Variants in ADCY9 observed in about 807,000 individuals in gnomAD.
ADCY9 encodes the protein adenylate cyclase 9, also known as adenylate cyclase type 9.
Under a neutral mutation model 101.5 loss-of-function variants are expected in ADCY9, and 50 were observed. The ratio of observed to expected loss-of-function variants is 0.49; its 90% CI spans 0.39 to 0.62. ADCY9 has a LOEUF of 0.62. Ranked by LOEUF, ADCY9 falls within the 20% of genes least tolerant of loss-of-function variation. ADCY9 has a pLI of 0.00. For synonymous variants in ADCY9, 905 were observed against 769.3 expected (o/e 1.18, Z -2.92); for missense variants, 1,662 against 1,800.4 (o/e 0.92, Z 1.39).
At chr16:3,971,593 T>C (rs1326926828) in intron 10 of ADCY9, among the ~76,000 whole-genome samples, 1 of 152,178 alleles carries the variant, frequency 6.6e-6, no homozygotes, top group Non-Finnish European at 1.5e-5. Context: ...GACTCAAACA[T>C]ATTTCTGTCC....
At chr16:4,014,073 C>T (rs1053728426) in intron 2 of ADCY9, among the ~76,000 whole-genome samples, 5 of 152,154 alleles carry the variant, frequency 3.3e-5, no homozygotes, top group Non-Finnish European at 7.3e-5. Flanking sequence ...AATCCCAGCA[C>T]TTAGGGAGGC....
At chr16:4,097,485 T>TATATATATAC (rs2057012098) in intron 2 of ADCY9, among the ~76,000 whole-genome samples, 1 of 73,020 alleles carries the variant, frequency 1.4e-5, no homozygotes, top group Non-Finnish European at 2.8e-5. Context: ...TATATATATA[T>TATATATATAC]ATACACACAC....
At position 3,993,217 on chromosome 16, in the gene ADCY9, T is replaced by C. The variant is rs73490506; in HGVS notation, c.1989+189A>G. The C allele has an allele frequency of 4.9e-3, 4,829 of 980,554 alleles. 157 individuals are homozygous for C. In the African/African-American group the frequency reaches 0.071, roughly 14 times the overall value. 60.7% of individuals were successfully genotyped at this position (980,554 alleles called of 1,614,324 possible). On this transcript the variant is annotated intron_variant, in intron 4 of 10. Coordinates refer to ENST00000294016, the MANE Select transcript of ADCY9 (RefSeq NM_001116.4). ...CAGCCCCTGAGCGCTGGTTTCCACG[T>C]GGGTTGCTGCTGACCCTCCCTCGAG...
At chr16:4,092,446 A>T (rs959694549) in intron 2 of ADCY9, among the ~76,000 whole-genome samples, 3 of 152,154 alleles carry the variant, frequency 2.0e-5, no homozygotes, top group Admixed American at 6.5e-5. Context: ...ATACTTCCCT[A>T]ATTTAACATT....
chr16:4,059,769 A>G (rs2056763252), intron 2 of ADCY9, among the ~76,000 whole-genome samples: 1 of 152,086 alleles, frequency 6.6e-6, no homozygotes, highest in Non-Finnish European at 1.5e-5. Flanking sequence ...GTGGTGATGC[A>G]CACCTGTAGT....
chr16:4,020,825 C>A (rs993449125), intron 2 of ADCY9, among the ~76,000 whole-genome samples: 577 of 138,310 alleles, frequency 4.2e-3, no homozygotes, highest in Non-Finnish European at 4.8e-3. Flanking sequence ...GACTCCGTCT[C>A]AAAAAAAAAA....
chr16:3,988,370 C>T (rs2056212604), intron 6 of ADCY9, among the ~76,000 whole-genome samples: 1 of 150,396 alleles, frequency 6.6e-6, no homozygotes, highest in Non-Finnish European at 1.5e-5. Context: ...AGAGAAGAGT[C>T]TCACCCAAGA....
At chr16:4,082,808 G>A (rs1268208757) in intron 2 of ADCY9, among the ~76,000 whole-genome samples, 1 of 152,250 alleles carries the variant, frequency 6.6e-6, no homozygotes, top group African/African-American at 2.4e-5. Flanking sequence ...GCTGGAGCAG[G>A]GTAAGTTCAC....
At chr16:3,971,374 G>A (rs190365765) in intron 10 of ADCY9, among the ~76,000 whole-genome samples, 3 of 152,178 alleles carry the variant, frequency 2.0e-5, no homozygotes, top group Admixed American at 2.0e-4. Context: ...TGAGAGAGCA[G>A]ATTGCGGAGT....
intron 2 of ADCY9, among the ~76,000 whole-genome samples, chr16:4,096,226 CAA>C (rs2057003224): frequency 6.6e-6 from 1 of 152,040 alleles, no homozygotes; most frequent in Admixed American, 6.6e-5. Context: ...GTAGTTGAAA[CAA>C]GAGGACAAAG....
At chr16:3,972,843 A>G (rs1318685971) in intron 10 of ADCY9, among the ~76,000 whole-genome samples, 2 of 152,028 alleles carry the variant, frequency 1.3e-5, no homozygotes. Context: ...TCTGGGTGGT[A>G]GTTAAATGGG....
intron 7 of ADCY9, among the ~76,000 whole-genome samples, chr16:3,979,640 A>T (rs1216194849): frequency 6.6e-6 from 1 of 152,184 alleles, no homozygotes; most frequent in Non-Finnish European, 1.5e-5. Context: ...CTGAGGCAGG[A>T]GGTCTTGACG....
chr16:4,094,120 C>T (rs1434585883), intron 2 of ADCY9, among the ~76,000 whole-genome samples: 1 of 152,154 alleles, frequency 6.6e-6, no homozygotes, highest in Non-Finnish European at 1.5e-5. Flanking sequence ...TATGTTAATC[C>T]AGCTGAGACG....
At chr16:3,996,196 A>G (rs1201954477) in intron 3 of ADCY9, among the ~76,000 whole-genome samples, 27 of 152,138 alleles carry the variant, frequency 1.8e-4, no homozygotes, top group Non-Finnish European at 5.9e-5. Flanking sequence ...CCTTGTCTCT[A>G]CTAAAAATAA....
intron 2 of ADCY9, among the ~76,000 whole-genome samples, chr16:4,107,373 A>C (rs1488893774): frequency 6.6e-6 from 1 of 152,020 alleles, no homozygotes; most frequent in Admixed American, 6.6e-5. Flanking sequence ...CTACATGGTG[A>C]AACCCCATCT....
At chr16:4,089,698 A>C (rs975719884) in intron 2 of ADCY9, among the ~76,000 whole-genome samples, 1 of 151,958 alleles carries the variant, frequency 6.6e-6, no homozygotes, top group African/African-American at 2.4e-5. Context: ...ACCAGCCGTA[A>C]AGGGGAAAGT....
chr16:3,979,583 A>G (rs1359290541), intron 7 of ADCY9, among the ~76,000 whole-genome samples: 1 of 152,158 alleles, frequency 6.6e-6, no homozygotes, highest in East Asian at 1.9e-4. Context: ...CCCTGAGGAG[A>G]GTCTCCTGGG....
intron 3 of ADCY9, among the ~76,000 whole-genome samples, chr16:4,003,353 A>C (rs1597158052): frequency 6.6e-6 from 1 of 151,956 alleles, no homozygotes; most frequent in South Asian, 2.1e-4. Context: ...CCAGTCCTCC[A>C]TGGCTCCGTC....
intron 2 of ADCY9, among the ~76,000 whole-genome samples, chr16:4,070,311 G>C (rs2056826092): frequency 6.6e-6 from 1 of 152,028 alleles, no homozygotes; most frequent in Non-Finnish European, 1.5e-5. Flanking sequence ...GCTAGTAACT[G>C]GAAAACTGGG....
Sources: allele counts gnomAD v4.1 joint callset (sites outside exome capture counted in the v4.1 genomes callset), GRCh38; gene constraint gnomAD v4.1.1; transcripts MANE v1.5; gene names NCBI Gene and HGNC (gene_info 2026-07-23, HGNC 2026-07-21).